Variants in LAMA5 observed in about 807,000 individuals in gnomAD.
The protein encoded by LAMA5 is laminin subunit alpha-5.
A neutral mutation model predicts 433.4 loss-of-function variants in LAMA5; 260 were observed. The observed-to-expected ratio is 0.60, with a 90% confidence interval of 0.54 to 0.66. LAMA5 has a LOEUF of 0.66. LAMA5 is among the 30% of genes least tolerant of loss of function. LAMA5 has a pLI of 0.00. For missense variants in LAMA5, 5,378 were observed against 5,258.5 expected (o/e 1.02, Z -0.70); for synonymous variants, 2,620 against 2,226.6 (o/e 1.18, Z -4.97).
At chr20:62,334,942 T>G (rs1601361679) in intron 20 of LAMA5, 79 bp downstream of exon 20, 4 of 1,356,348 alleles carry the variant, frequency 2.9e-6, no homozygotes, top group Non-Finnish European at 2.1e-6. Flanking sequence ...GCTGCACTTG[T>G]CCCTCCGGGC....
chr20:62,362,114 C>A (rs991821616), intron 2 of LAMA5, among the ~76,000 whole-genome samples: 1 of 152,228 alleles, frequency 6.6e-6, no homozygotes, highest in Non-Finnish European at 1.5e-5. Context: ...CAGCCCCAAG[C>A]TGTCTACTCA....
Position 62,309,295 on chromosome 20 carries a change from C to A in LAMA5, c.*41G>T, listed in dbSNP as rs1431029383. On this transcript the variant is annotated 3_prime_UTR_variant, in exon 80 of 80. Coordinates refer to ENST00000252999, the MANE Select transcript of LAMA5 (RefSeq NM_005560.6). The stretch of plus-strand genomic sequence containing the variant: ...GGCGAGCACAAGGGGCGGTGTGAGG[C>A]AGCTGCAGGGGCCTGACCAGGGGCC... The A allele has an allele frequency of 1.9e-6, 3 of 1,581,126 alleles. No homozygotes were observed. The highest frequency in any genetic ancestry group is 2.6e-6 in the Non-Finnish European group (3 of 1,170,686).
intron 67 of LAMA5, 37 bp downstream of exon 67, chr20:62,312,595 G>A: frequency 6.3e-7 from 1 of 1,599,534 alleles, no homozygotes. Flanking sequence ...CGCCCCAACA[G>A]CCTGGCCTCG....
intron 48 of LAMA5, 122 bp downstream of exon 48, chr20:62,321,897 G>T: frequency 1.0e-6 from 1 of 975,520 alleles, no homozygotes; most frequent in Non-Finnish European, 1.6e-6. Flanking sequence ...TGGGTCTCTC[G>T]GGAAATGGAA....
In LAMA5 at chr20:62,367,278, A is replaced by C; in HGVS notation, c.-33T>G. On this transcript the variant is annotated 5_prime_UTR_variant, in exon 1 of 80. Coordinates refer to ENST00000252999, the MANE Select transcript of LAMA5 (RefSeq NM_005560.6). Reference sequence around the variant, plus strand: ...GCTCCGGGCCGCGTCCCCGAGCTCCAGGGACAGCGCGCGCGGCGGGAGCCC... The same window carrying C: ...GCTCCGGGCCGCGTCCCCGAGCTCCCGGGACAGCGCGCGCGGCGGGAGCCC... The C allele has an allele frequency of 8.7e-7, 1 of 1,144,418 alleles. No individual in the cohort carries two copies. The highest frequency in any genetic ancestry group is 1.1e-6 in the Non-Finnish European group (1 of 932,528). 70.9% of individuals were successfully genotyped at this position (1,144,418 alleles called of 1,614,324 possible).
rs1980297722 is a variant in LAMA5, at chr20:62,331,054, G to A, written c.3628C>T (p.His1210Tyr). ...TACCTGTTGGGGCCAAAGGCGCCGT[G>A]GCTGCTGATGCAGCTGACCCGGGGC... The part of the protein sequence containing the change: ...VEPRVSCISS[H>Y]GAFGPNSAAC... The change falls in exon 29 of 80, where the codon CAC becomes TAC. Residue 1210 changes from histidine to tyrosine, a missense_variant. Coordinates refer to ENST00000252999, the MANE Select transcript of LAMA5 (RefSeq NM_005560.6). 1.2e-6 allele frequency: 2 copies of A among 1,602,602 alleles called. No homozygotes were observed. Among genetic ancestry groups the A allele is most frequent in the Non-Finnish European group, 1.7e-6 (2 of 1,174,818 alleles).
rs147438795 is a variant in LAMA5, at chr20:62,327,304, C to T, written c.5041G>A (p.Val1681Met). Residue 1681 changes from valine (V) to methionine (M), a missense_variant, in exon 38 of 80, where the codon GTG becomes ATG. Physicochemically the swap from Val to Met is conservative, Grantham distance 21. Transcript: ENST00000252999. ...AAAGCCTCGGGCACAGCCTCAGGCA[C>T]GTGCCGCAGGTCTGCACGGAGCATC... ...TEMLRADLRH[V>M]PEAVPEAFPE... 4.1e-5 allele frequency: 66 copies of T among 1,590,550 alleles called. No individual in the cohort carries two copies. Among genetic ancestry groups the T allele is most frequent in the African/African-American group, 2.9e-4 (22 of 74,606 alleles).
intron 32 of LAMA5, among the ~76,000 whole-genome samples, chr20:62,329,573 C>G (rs966117557): frequency 1.3e-5 from 2 of 152,006 alleles, no homozygotes; most frequent in Non-Finnish European, 2.9e-5. Flanking sequence ...CCCTGACCAG[C>G]AGGGTGCAGG....
intron 1 of LAMA5, among the ~76,000 whole-genome samples, chr20:62,363,983 A>G (rs80017386): frequency 0.022 from 3,290 of 152,188 alleles, 100 homozygotes; most frequent in African/African-American, 0.068. Flanking sequence ...CCACTGCTGT[A>G]TTTCCTTTAC....
chr20:62,343,898 A>G (rs1982975585), intron 11 of LAMA5, among the ~76,000 whole-genome samples: 1 of 151,638 alleles, frequency 6.6e-6, no homozygotes, highest in South Asian at 2.1e-4. Context: ...TAATCCCAGC[A>G]CTTTAGGATG....
chr20:62,328,195 C>G (rs943736968), intron 35 of LAMA5, 46 bp downstream of exon 35: 1 of 1,543,060 alleles, frequency 6.5e-7, no homozygotes, highest in Admixed American at 1.9e-5. Context: ...GAAATGCTGT[C>G]CTTAAGGCCA....
At position 62,346,069 on chromosome 20, in the gene LAMA5, G is replaced by C; in HGVS notation, c.1417+12C>G. The stretch of plus-strand genomic sequence containing the variant: ...AGTGGTGTCTGTTTGGATGCCCCTG[G>C]CAGGTGCTCACGGTAGCAGCTTGGG... On this transcript the variant is annotated intron_variant, in intron 10 of 79. Coordinates refer to ENST00000252999, the MANE Select transcript of LAMA5 (RefSeq NM_005560.6). 1 of 1,612,852 alleles carries C rather than the reference G, an allele frequency of 6.2e-7. No homozygotes were observed. The highest frequency in any genetic ancestry group is 1.1e-5 in the South Asian group (1 of 91,074).
At chr20:62,362,363 G>A in intron 2 of LAMA5, 37 bp downstream of exon 2, 1 of 1,444,770 alleles carries the variant, frequency 6.9e-7, no homozygotes, top group Non-Finnish European at 9.2e-7. Flanking sequence ...CACAGACACA[G>A]AGATGGGGGC....
chr20:62,343,785 AAAAG>A (rs2146267178), intron 11 of LAMA5, among the ~76,000 whole-genome samples: 2 of 150,150 alleles, frequency 1.3e-5, no homozygotes, highest in African/African-American at 4.9e-5. Flanking sequence ...AAAAAAAAAA[AAAAG>A]AAAGCACTCG....
At chr20:62,348,504 G>T (rs1364297406) in intron 6 of LAMA5, among the ~76,000 whole-genome samples, 2 of 152,174 alleles carry the variant, frequency 1.3e-5, no homozygotes, top group African/African-American at 4.8e-5. Flanking sequence ...CTACTCAGGA[G>T]GATGAGGCAG....
Position 62,352,380 on chromosome 20 carries a change from G to A in LAMA5, c.569-20C>T, listed in dbSNP as rs539550538. 9 of 1,575,366 alleles carry A rather than the reference G, an allele frequency of 5.7e-6. No individual in the cohort carries two copies. The highest frequency in any genetic ancestry group is 3.3e-5 in the South Asian group (3 of 90,164). On this transcript the variant is annotated intron_variant, in intron 3 of 79. Coordinates refer to ENST00000252999, the MANE Select transcript of LAMA5 (RefSeq NM_005560.6). ...TGGAGGCTGCGGGGAATGGCGGGAG[G>A]GGAGGGCGCTGGATCACCAGAAAAG...
intron 17 of LAMA5, 22 bp from the exon 18 acceptor site, chr20:62,336,467 G>C: frequency 1.9e-6 from 3 of 1,587,204 alleles, no homozygotes; most frequent in Non-Finnish European, 2.6e-6. Flanking sequence ...CAAGACTGCA[G>C]GTCAGAGCGG....
chr20:62,324,695 A>T lies in LAMA5; in HGVS notation c.5530-141T>A, dbSNP rs1425845016. ...TGGAGCATGGTCACCGCTGGGTCAG[A>T]GGCTGGTCAGGAACTCCTGGCCTCG... On this transcript the variant is annotated intron_variant, in intron 41 of 79. Coordinates refer to ENST00000252999, the MANE Select transcript of LAMA5 (RefSeq NM_005560.6). The surrounding 1 kb of genome is among the most constrained non-coding windows in gnomAD (Gnocchi z 4.4). 4.7e-6 allele frequency: 3 copies of T among 632,570 alleles called. No individual in the cohort carries two copies. In the Admixed American group the frequency reaches 7.5e-5, roughly 16 times the overall value. 39.2% of individuals were successfully genotyped at this position (632,570 alleles called of 1,614,324 possible).
rs140163399 is a variant in LAMA5 at position 62,314,054 on chromosome 20, C to T, written c.8504+250G>A. Among the ~76,000 whole-genome samples, 21 of 51,554 alleles carry T rather than the reference C, an allele frequency of 4.1e-4. 2 individuals are homozygous for T. Among genetic ancestry groups the T allele is most frequent in the Admixed American group, 1.1e-3 (4 of 3,630 alleles). The allele number at this position is 51,554 out of a possible 152,430, so 33.8% of individuals were successfully genotyped here. A position where few individuals can be genotyped will look rare whatever the true frequency, so the allele number is the denominator to read the frequency against. On this transcript the variant is annotated intron_variant, in intron 62 of 79. Transcript: ENST00000252999. ...ACGAGGGATGGCGAGTGGGCACAGA[C>T]GAGGGGTGGCGGGTGGGCACAGAGA...
Sources: allele counts gnomAD v4.1 joint callset (sites outside exome capture counted in the v4.1 genomes callset), GRCh38; gene constraint gnomAD v4.1.1; non-coding constraint Gnocchi (gnomAD v3.1); transcripts MANE v1.5; gene names NCBI Gene and HGNC (gene_info 2026-07-23, HGNC 2026-07-21).